STRADA: variants seen among roughly 807,000 people sequenced by gnomAD.
STRADA encodes STE20 related adaptor alpha.
In STRADA, 26 loss-of-function variants were observed where a neutral mutation model predicts 55.0. The ratio of observed to expected loss-of-function variants is 0.47; its 90% CI spans 0.35 to 0.66. The LOEUF is 0.66. Ranked by LOEUF, STRADA falls within the 30% of genes least tolerant of loss-of-function variation. The pLI, the probability that STRADA is intolerant of heterozygous loss-of-function variation, is 0.01. For missense variants in STRADA, 443 were observed against 549.7 expected (o/e 0.81, Z 1.94); for synonymous variants, 197 against 210.9 (o/e 0.93, Z 0.57).
chr17:63,726,786 C>G, intron 2 of STRADA, 91 bp from the exon 3 acceptor site: 1 of 1,300,610 alleles, frequency 7.7e-7, no homozygotes. Context: ...AAAATCCCAA[C>G]TATGAAAACA....
chr17:63,739,068 G>A (rs2038666372), intron 1 of STRADA, among the ~76,000 whole-genome samples: 1 of 147,530 alleles, frequency 6.8e-6, no homozygotes, highest in Admixed American at 6.9e-5. Flanking sequence ...CAGGAGAATG[G>A]CGTGAACCTG....
Position 63,704,061 on chromosome 17 carries a change from G to A in STRADA, c.1101-14C>T. 1 of 1,612,728 alleles carries A rather than the reference G, an allele frequency of 6.2e-7. No individual in the cohort carries two copies. The highest frequency in any genetic ancestry group is 1.1e-5 in the South Asian group (1 of 90,870). On this transcript the variant is annotated splice_polypyrimidine_tract_variant and intron_variant, in intron 11 of 12. Coordinates refer to ENST00000336174, the MANE Select transcript of STRADA (RefSeq NM_001003787.4). ...CTGGCACTGGGCCTGGAGGGAAAGGGGAGGAGAGACCGCAGCATCACTGCC... is the reference window on the plus strand; with the variant it reads ...CTGGCACTGGGCCTGGAGGGAAAGGAGAGGAGAGACCGCAGCATCACTGCC...
At chr17:63,705,194 C>T (rs1476832467) in intron 10 of STRADA, 3 of 544,424 alleles carry the variant, frequency 5.5e-6, no homozygotes, top group Non-Finnish European at 9.9e-6. Flanking sequence ...GGAAATTGCT[C>T]TAGAGCTGCA....
chr17:63,730,079 A>T (rs895474188), intron 1 of STRADA, among the ~76,000 whole-genome samples: 3 of 151,582 alleles, frequency 2.0e-5, no homozygotes, highest in Non-Finnish European at 4.4e-5. Context: ...CAGATGATCC[A>T]CCCGCCTCGG....
chr17:63,718,281 G>C (rs2037040518), intron 4 of STRADA, among the ~76,000 whole-genome samples: 1 of 152,126 alleles, frequency 6.6e-6, no homozygotes, highest in Admixed American at 6.5e-5. Flanking sequence ...TTAAGATACT[G>C]GTTACCACAT....
chr17:63,727,659 A>G (rs2037748781), intron 2 of STRADA: 1 of 152,260 alleles, frequency 6.6e-6, no homozygotes, highest in Non-Finnish European at 1.5e-5. Context: ...AAACTTCATA[A>G]AAATTATATG....
At chr17:63,718,269 T>A (rs1276271677) in intron 4 of STRADA, among the ~76,000 whole-genome samples, 1 of 152,182 alleles carries the variant, frequency 6.6e-6, no homozygotes, top group South Asian at 2.1e-4. Context: ...CATCTTAAGA[T>A]GTTAAGATAC....
intron 6 of STRADA, among the ~76,000 whole-genome samples, chr17:63,711,249 G>T (rs1181942620): frequency 6.6e-6 from 1 of 152,196 alleles, no homozygotes; most frequent in African/African-American, 2.4e-5. Flanking sequence ...TGCCCAGGCT[G>T]GTCTCAAACT....
chr17:63,738,103 G>C (rs1397410721), intron 1 of STRADA, among the ~76,000 whole-genome samples: 1 of 152,028 alleles, frequency 6.6e-6, no homozygotes, highest in African/African-American at 2.4e-5. Context: ...AGCACCTTGG[G>C]AGGCCGAGGC....
At chr17:63,711,516 A>T (rs1445536610) in intron 6 of STRADA, among the ~76,000 whole-genome samples, 1 of 151,756 alleles carries the variant, frequency 6.6e-6, no homozygotes, top group Non-Finnish European at 1.5e-5. Flanking sequence ...ATACCTAGCT[A>T]ATTTTTTATA....
chr17:63,727,554 G>C (rs1225597256), intron 2 of STRADA: 1 of 152,152 alleles, frequency 6.6e-6, no homozygotes, highest in African/African-American at 2.4e-5. Context: ...GAAATAAGTT[G>C]CATGATACAG....
chr17:63,706,866 C>A, intron 9 of STRADA, 127 bp from the exon 10 acceptor site: 2 of 711,930 alleles, frequency 2.8e-6, no homozygotes, highest in Middle Eastern at 2.5e-4. Flanking sequence ...ACTCTCCTTG[C>A]CTGTGCTACT....
Position 63,735,432 on chromosome 17 carries a change from C to T in STRADA, c.-45+6309G>A, listed in dbSNP as rs546989790. Reference sequence around the variant, plus strand: ...ACTCTAAAATGAGGTTAATGACATCCGTCTGACACCTGAGACAAATATCTT... The same window carrying T: ...ACTCTAAAATGAGGTTAATGACATCTGTCTGACACCTGAGACAAATATCTT... On this transcript the variant is annotated intron_variant, in intron 1 of 12. Coordinates refer to ENST00000336174, the MANE Select transcript of STRADA (RefSeq NM_001003787.4). Among the ~76,000 whole-genome samples, 10 of 152,240 alleles carry T rather than the reference C, an allele frequency of 6.6e-5. No homozygotes were observed. In the South Asian group the frequency reaches 1.7e-3, roughly 25 times the overall value.
At chr17:63,726,562 A>G in intron 3 of STRADA, 76 bp downstream of exon 3, 1 of 1,435,146 alleles carries the variant, frequency 7.0e-7, no homozygotes. Flanking sequence ...GCCAATTGCT[A>G]TAGATTGATT....
chr17:63,704,593 C>T lies in STRADA; in HGVS notation c.859-11G>A. 1.3e-6 allele frequency: 2 copies of T among 1,492,528 alleles called. No individual in the cohort carries two copies. The highest frequency in any genetic ancestry group is 2.0e-4 in the Middle Eastern group (1 of 5,064). 92.5% of individuals were successfully genotyped at this position (1,492,528 alleles called of 1,614,324 possible). On this transcript the variant is annotated splice_polypyrimidine_tract_variant and intron_variant, in intron 10 of 12. Coordinates refer to ENST00000336174, the MANE Select transcript of STRADA (RefSeq NM_001003787.4). ...TTTCTCTAGCAGCATCTGGGGAGGACAGAACCAGGACCTGGGCTGTAGCGG... is the reference window on the plus strand; with the variant it reads ...TTTCTCTAGCAGCATCTGGGGAGGATAGAACCAGGACCTGGGCTGTAGCGG...
chr17:63,737,451 T>C (rs886538450), intron 1 of STRADA: 5 of 151,550 alleles, frequency 3.3e-5, no homozygotes, highest in African/African-American at 1.2e-4. Flanking sequence ...AGACAAAGCA[T>C]GATAAACTTA....
intron 5 of STRADA, among the ~76,000 whole-genome samples, 196 bp downstream of exon 5, chr17:63,713,810 G>C (rs1273863690): frequency 1.3e-5 from 2 of 152,142 alleles, no homozygotes; most frequent in African/African-American, 4.8e-5. Context: ...TGGCAAAAGA[G>C]CTTCTTTCCT....
chr17:63,703,745 G>A lies in STRADA; in HGVS notation c.1150C>T (p.Arg384Ter), dbSNP rs9915192. 3.7e-6 allele frequency: 6 copies of A among 1,614,020 alleles called. No homozygotes were observed. In the South Asian group the frequency reaches 4.4e-5, roughly 12 times the overall value. Residue 384 changes from arginine to a stop codon, truncating the protein, a stop_gained, in exon 13 of 13, where the codon CGA becomes TGA. Transcript: ENST00000336174. LOFTEE classifies it high-confidence loss of function. The stretch of plus-strand genomic sequence containing the variant: ...TCGGGCAAAGCCTCTGAGGCACGTC[G>A]CTTGATCTGGGGGAGAAGAGAGAGG... Reference protein sequence around the residue: ...LNHSFFKQIKRRASEALPELL... With the variant: ...LNHSFFKQIK
At chr17:63,707,575 A>G (rs1006507197) in intron 8 of STRADA, 157 bp from the exon 9 acceptor site, 7 of 703,314 alleles carry the variant, frequency 1.0e-5, no homozygotes, top group Non-Finnish European at 1.6e-5. Flanking sequence ...TTTTGTTTTC[A>G]TTGAGATAAG....
Sources: gnomAD v4.1 joint callset for allele counts (sites outside exome capture counted in the v4.1 genomes callset) on GRCh38, gnomAD v4.1.1 for gene constraint, MANE v1.5 for transcripts, NCBI Gene and HGNC (gene_info 2026-07-23, HGNC 2026-07-21) for gene names.